The following CFAP61 variants were observed in gnomAD, a reference collection of about 807,000 sequenced individuals.
The protein encoded by CFAP61 is cilia- and flagella-associated protein 61.
A neutral mutation model predicts 135.6 loss-of-function variants in CFAP61; 107 were observed. The ratio of observed to expected loss-of-function variants is 0.79; its 90% CI spans 0.67 to 0.93. The LOEUF (loss-of-function observed/expected upper bound fraction) is 0.93, where lower values mean the gene tolerates loss of function less well. Ranked by LOEUF, CFAP61 falls within the 40% of genes least tolerant of loss-of-function variation. CFAP61 has a pLI of 0.00. For missense variants in CFAP61, 1,507 were observed against 1,556.2 expected (o/e 0.97, Z 0.53); for synonymous variants, 575 against 578.5 (o/e 0.99, Z 0.09).
intron 9 of CFAP61, among the ~76,000 whole-genome samples, chr20:20,143,613 C>T (rs552887320): frequency 6.6e-6 from 1 of 152,280 alleles, no homozygotes; most frequent in East Asian, 1.9e-4. Flanking sequence ...CAAAGGCCAG[C>T]GATGCCTGGG....
At chr20:20,121,545 A>G (rs2049631334) in intron 8 of CFAP61, among the ~76,000 whole-genome samples, 1 of 152,126 alleles carries the variant, frequency 6.6e-6, no homozygotes, top group South Asian at 2.1e-4. Flanking sequence ...CTCAGGCTGG[A>G]GTGCAGTGGT....
At chr20:20,054,083 G>C (rs2044066713) in intron 1 of CFAP61, among the ~76,000 whole-genome samples, 1 of 139,204 alleles carries the variant, frequency 7.2e-6, no homozygotes, top group African/African-American at 2.7e-5. Flanking sequence ...TGCTTTTGTA[G>C]ATATACCTTC....
At chr20:20,230,430 T>G (rs544356895) in intron 18 of CFAP61, among the ~76,000 whole-genome samples, 1 of 152,372 alleles carries the variant, frequency 6.6e-6, no homozygotes, top group East Asian at 1.9e-4. Context: ...CTTAATTTTA[T>G]ACATGATTTG....
Position 20,360,505 on chromosome 20 carries a change from C to G in CFAP61, c.*95C>G, listed in dbSNP as rs985701048. On this transcript the variant is annotated 3_prime_UTR_variant, in exon 27 of 27. Transcript: ENST00000245957. The stretch of plus-strand genomic sequence containing the variant: ...AAAAGTTCTCTGCAGCCTGGTTTGA[C>G]AGCGAAGCCAGCCCCTGGTGGTTTT... The G allele has an allele frequency of 9.1e-7, 1 of 1,100,010 alleles. No individual in the cohort carries two copies. The highest frequency in any genetic ancestry group is 1.6e-5 in the African/African-American group (1 of 63,486). The allele number at this position is 1,100,010 out of a possible 1,614,324, so 68.1% of individuals were successfully genotyped here.
chr20:20,256,437 G>A (rs79411712), intron 20 of CFAP61, among the ~76,000 whole-genome samples: 13,312 of 147,030 alleles, frequency 0.091, 675 homozygotes, highest in Middle Eastern at 0.15. Context: ...CACACACATT[G>A]TAGGCAACTA....
intron 21 of CFAP61, among the ~76,000 whole-genome samples, chr20:20,269,092 C>T (rs992949344): frequency 4.2e-5 from 6 of 142,634 alleles, no homozygotes; most frequent in Admixed American, 3.6e-4. Context: ...AAGTAAAAAG[C>T]GCATTGTCTG....
At chr20:20,159,524 C>T (rs1178295940) in intron 10 of CFAP61, 80 bp downstream of exon 10, 11 of 1,233,450 alleles carry the variant, frequency 8.9e-6, no homozygotes, top group Non-Finnish European at 1.2e-5. Context: ...GGATTTGTGC[C>T]CTTTCCTCCT....
intron 6 of CFAP61, among the ~76,000 whole-genome samples, chr20:20,090,101 T>C (rs1268718998): frequency 6.6e-6 from 1 of 152,164 alleles, no homozygotes; most frequent in Non-Finnish European, 1.5e-5. Flanking sequence ...TCTTAGAACA[T>C]CCTTGGGAAG....
intron 21 of CFAP61, among the ~76,000 whole-genome samples, chr20:20,275,110 T>A (rs1170676382): frequency 6.6e-6 from 1 of 152,196 alleles, no homozygotes. Context: ...GCCTGGGCCC[T>A]TGTGCTTGCC....
chr20:20,335,067 C>T (rs1314751553), intron 25 of CFAP61, among the ~76,000 whole-genome samples: 2 of 152,134 alleles, frequency 1.3e-5, no homozygotes, highest in African/African-American at 4.8e-5. Context: ...GCAAATTGTG[C>T]CTGTTCTCTG....
chr20:20,291,595 C>T (rs894886714), intron 24 of CFAP61, among the ~76,000 whole-genome samples: 1 of 152,194 alleles, frequency 6.6e-6, no homozygotes, highest in African/African-American at 2.4e-5. Flanking sequence ...CATTTTGAGG[C>T]AACCTGTGAT....
At chr20:20,052,740 C>T (rs761792012) in intron 1 of CFAP61, 149 bp downstream of exon 1, 10 of 1,582,570 alleles carry the variant, frequency 6.3e-6, no homozygotes, top group Non-Finnish European at 7.8e-6. Flanking sequence ...GGAGTAAGAA[C>T]GGAGCTCCAA....
At chr20:20,183,716 G>A (rs137929141) in intron 13 of CFAP61, among the ~76,000 whole-genome samples, 16 of 152,174 alleles carry the variant, frequency 1.1e-4, no homozygotes, top group Non-Finnish European at 2.2e-4. Flanking sequence ...TAAAAAGCAC[G>A]AATGAGATAC....
intron 4 of CFAP61, among the ~76,000 whole-genome samples, 178 bp from the exon 5 acceptor site, chr20:20,075,010 GT>G: frequency 6.6e-6 from 1 of 152,186 alleles, no homozygotes; most frequent in Non-Finnish European, 1.5e-5. Context: ...CCAAGGAAAA[GT>G]AGAGAAGAAA....
intron 25 of CFAP61, among the ~76,000 whole-genome samples, chr20:20,304,506 A>C: frequency 6.6e-6 from 1 of 150,966 alleles, no homozygotes; most frequent in African/African-American, 2.4e-5. Flanking sequence ...GCTCATGCAC[A>C]CCTCACTCAC....
rs547410932 is a variant in CFAP61 at position 20,275,225 on chromosome 20, G to C, written c.2504-1941G>C. On this transcript the variant is annotated intron_variant, in intron 21 of 26. Transcript: ENST00000245957. ...TGCAAACAAACCCAGCCACAACCTA[G>C]AGCCAGATCAGCTGACATCAGTCCA... 3.3e-5 allele frequency among the ~76,000 whole-genome samples: 5 copies of C among 152,322 alleles called. No individual in the cohort carries two copies. The East Asian group carries it at 5.8e-4, about 18-fold the overall frequency.
intron 18 of CFAP61, 161 bp downstream of exon 18, chr20:20,228,537 A>G (rs1399600992): frequency 1.7e-6 from 1 of 576,942 alleles, no homozygotes; most frequent in East Asian, 2.8e-5. Flanking sequence ...ATTCTAGATC[A>G]GGGGTTAGCA....
At chr20:20,186,184 C>T (rs2055484329) in intron 13 of CFAP61, among the ~76,000 whole-genome samples, 1 of 152,200 alleles carries the variant, frequency 6.6e-6, no homozygotes, top group Non-Finnish European at 1.5e-5. Context: ...CCATTCTCTT[C>T]TCCCCTCAGC....
At chr20:20,227,240 T>C (rs910361612) in intron 17 of CFAP61, among the ~76,000 whole-genome samples, 3 of 152,344 alleles carry the variant, frequency 2.0e-5, no homozygotes. Context: ...AGGTTTGACC[T>C]ATCAGAATGC....
Sources: gnomAD v4.1 joint callset for allele counts (sites outside exome capture counted in the v4.1 genomes callset) on GRCh38, gnomAD v4.1.1 for gene constraint, MANE v1.5 for transcripts, NCBI Gene and HGNC (gene_info 2026-07-23, HGNC 2026-07-21) for gene names.